Variants in VSIG10 observed in about 807,000 individuals in gnomAD.
VSIG10 encodes V-set and immunoglobulin domain-containing protein 10.
Under a neutral mutation model 58.7 loss-of-function variants are expected in VSIG10, and 48 were observed. The observed-to-expected ratio is 0.82, with a 90% confidence interval of 0.65 to 1.04. The LOEUF is 1.04. VSIG10 is among the 50% of genes least tolerant of loss of function. The pLI is 0.00. For synonymous variants in VSIG10, 260 were observed against 267.1 expected, an observed-to-expected ratio of 0.97 and a Z score of 0.26; for missense variants, 628 against 670.0, an observed-to-expected ratio of 0.94 and a Z score of 0.69.
intron 1 of VSIG10, among the ~76,000 whole-genome samples, chr12:118,100,296 G>A (rs2033589685): frequency 6.6e-6 from 1 of 152,010 alleles, no homozygotes; most frequent in African/African-American, 2.4e-5. Flanking sequence ...AAGAGCTCGG[G>A]ACCAGCCTGG....
chr12:118,072,578 C>G (rs1280941497), intron 5 of VSIG10, among the ~76,000 whole-genome samples: 1 of 151,774 alleles, frequency 6.6e-6, no homozygotes, highest in Non-Finnish European at 1.5e-5. Flanking sequence ...AAGAAAGAGG[C>G]CAGGTGTGGT....
At position 118,073,806 on chromosome 12, in the gene VSIG10, G is replaced by A. The variant is rs1159222330; in HGVS notation, c.1112C>T (p.Thr371Ile). The A allele has an allele frequency of 1.2e-6, 2 of 1,613,894 alleles. No individual in the cohort carries two copies. Among genetic ancestry groups the A allele is most frequent in the East Asian group, 2.2e-5 (1 of 44,890 alleles). Residue 371 changes from threonine to isoleucine, a missense_variant, in exon 5 of 9, where the codon ACC becomes ATC. Coordinates refer to ENST00000359236, the MANE Select transcript of VSIG10 (RefSeq NM_019086.6). The part of the protein sequence containing the change: ...HLITQDGQNS[T>I]LTIHNCSQDL... ...CTGGGAGCAGTTGTGGATAGTGAGG[G>A]TGGAGTTCTGGCCATCCTGGGTAAT...
chr12:118,096,160 C>T (rs899976045), intron 1 of VSIG10, among the ~76,000 whole-genome samples: 2 of 152,016 alleles, frequency 1.3e-5, no homozygotes, highest in Non-Finnish European at 2.9e-5. Context: ...AACTCCTGAC[C>T]TCAGGAAAAG....
chr12:118,071,429 G>C lies in VSIG10; in HGVS notation c.1260C>G (p.Ser420Arg). ...NIGGIVGTIVSLLLLGLAIIS... is the reference protein window; with the variant it reads ...NIGGIVGTIVRLLLLGLAIIS... ...TAATGGCCAGTCCCAGCAGAAGGAG[G>C]CTCACAATGGTTCCCACAATCCCCC... Residue 420 changes from serine to arginine, a missense_variant, in exon 6 of 9, where the codon AGC becomes AGG. By Grantham distance (110) the Ser-to-Arg change is moderately radical. Transcript: ENST00000359236. 1 of 1,613,878 alleles carries C rather than the reference G, an allele frequency of 6.2e-7. No homozygotes were observed. The highest frequency in any genetic ancestry group is 8.5e-7 in the Non-Finnish European group (1 of 1,179,868).
At chr12:118,101,528 T>A (rs1192036571) in intron 1 of VSIG10, 1 of 152,156 alleles carries the variant, frequency 6.6e-6, no homozygotes, top group Non-Finnish European at 1.5e-5. Flanking sequence ...CAACCTTAAA[T>A]GTACAATAGA....
chr12:118,077,037 A>G (rs577181998), intron 4 of VSIG10, among the ~76,000 whole-genome samples: 9 of 152,334 alleles, frequency 5.9e-5, no homozygotes, highest in African/African-American at 1.4e-4. Context: ...TCTTAACTTG[A>G]TTCCATCTGC....
At position 118,103,816 on chromosome 12, in the gene VSIG10, GA is replaced by G; in HGVS notation, c.-146del. 1 of 775,782 alleles carries G rather than the reference GA, an allele frequency of 1.3e-6. No homozygotes were observed. Among genetic ancestry groups the G allele is most frequent in the Non-Finnish European group, 1.9e-6 (1 of 535,630 alleles). 48.1% of individuals were successfully genotyped at this position (775,782 alleles called of 1,614,324 possible). A position where few individuals can be genotyped will look rare whatever the true frequency, so the allele number is the denominator to read the frequency against. On this transcript the variant is annotated 5_prime_UTR_variant, in exon 1 of 9. Coordinates refer to ENST00000359236, the MANE Select transcript of VSIG10 (RefSeq NM_019086.6). Reference sequence around the variant, plus strand: ...CCCCACTTCCTCGGCCCCCAGGAAGGATGCTTGGCTGAGCCGAGTGTCCAGG... The same window carrying G: ...CCCCACTTCCTCGGCCCCCAGGAAGGTGCTTGGCTGAGCCGAGTGTCCAGG...
chr12:118,082,370 G>T lies in VSIG10; in HGVS notation c.421C>A (p.Leu141Ile), dbSNP rs373315278. 1.9e-6 allele frequency: 3 copies of T among 1,613,950 alleles called. No homozygotes were observed. The highest frequency in any genetic ancestry group is 2.5e-6 in the Non-Finnish European group (3 of 1,179,888). ...VATGTLPNGTLYAARGSQVDF... is the reference protein window; with the variant it reads ...VATGTLPNGTIYAARGSQVDF... ...ACCTGGGAGCCCCTGGCTGCGTAGA[G>T]GGTGCCGTTGGGGAGTGTGCCGGTG... The change falls in exon 3 of 9, where the codon CTC (leucine) becomes ATC (isoleucine). Residue 141 changes from leucine to isoleucine, a missense_variant. Coordinates refer to ENST00000359236, the MANE Select transcript of VSIG10 (RefSeq NM_019086.6).
chr12:118,095,711 C>T lies in VSIG10; in HGVS notation c.183G>A (p.Ser61=), dbSNP rs117781232. Residue 61 remains serine, a synonymous_variant, in exon 2 of 9, where the codon TCG becomes TCA. Transcript: ENST00000359236. The part of the protein sequence containing the change: ...RGQVTWYRNN[S]EPVFLLSSNS... Reference sequence around the variant, plus strand: ...TGGACGAGAGAAGGAAGACAGGCTCCGAGTTGTTCCGGTACCAGGTCACCT... The same window carrying T: ...TGGACGAGAGAAGGAAGACAGGCTCTGAGTTGTTCCGGTACCAGGTCACCT... 3.7e-5 allele frequency: 59 copies of T among 1,613,898 alleles called. No homozygotes were observed. In the African/African-American group the frequency reaches 4.0e-4, roughly 11 times the overall value.
At chr12:118,079,815 C>T (rs1047038010) in intron 3 of VSIG10, among the ~76,000 whole-genome samples, 1 of 107,068 alleles carries the variant, frequency 9.3e-6, no homozygotes, top group African/African-American at 5.1e-5. Flanking sequence ...TCTCATTCAC[C>T]TTTGCATTTC....
rs960012481 is a variant in VSIG10, at chr12:118,103,659, C to T, written c.13G>A (p.Gly5Ser). ...AGGACGCGGGGCTCGGGCGCACTGC[C>T]GCCTGCGGCCATCTCGCCCCAGATC... Reference protein sequence around the residue: MAAGGSAPEPRVLVC... With the variant: MAAGSSAPEPRVLVC... The change falls in exon 1 of 9, where the codon GGC becomes AGC. Residue 5 changes from glycine (G) to serine (S), a missense_variant. Gly to Ser is a moderately conservative substitution (Grantham distance 56). Coordinates refer to ENST00000359236, the MANE Select transcript of VSIG10 (RefSeq NM_019086.6). 6.0e-6 allele frequency: 9 copies of T among 1,497,312 alleles called. No individual in the cohort carries two copies. The Admixed American group carries it at 1.5e-4, about 25-fold the overall frequency. The allele number at this position is 1,497,312 out of a possible 1,614,324, so 92.8% of individuals were successfully genotyped here.
At position 118,071,307 on chromosome 12, in the gene VSIG10, G is replaced by A. The variant is rs575356555; in HGVS notation, c.1330+52C>T. 365 of 1,544,990 alleles carry A rather than the reference G, an allele frequency of 2.4e-4. 1 individual carries two copies. The African/African-American group carries it at 4.2e-3, about 18-fold the overall frequency. On this transcript the variant is annotated intron_variant, in intron 6 of 8. Coordinates refer to ENST00000359236, the MANE Select transcript of VSIG10 (RefSeq NM_019086.6). ...GGCAGGGGCCATCCTTCCCCATCCCGCACCTTTTCAAAAGTCTGGAAGAGA... is the reference window on the plus strand; with the variant it reads ...GGCAGGGGCCATCCTTCCCCATCCCACACCTTTTCAAAAGTCTGGAAGAGA...
At chr12:118,080,395 G>A (rs892738443) in intron 3 of VSIG10, among the ~76,000 whole-genome samples, 1 of 151,990 alleles carries the variant, frequency 6.6e-6, no homozygotes, top group African/African-American at 2.4e-5. Context: ...GCTGGCCTCA[G>A]ATGATCCACC....
In VSIG10 at chr12:118,066,355, A is replaced by G; in HGVS notation, c.*284T>C. ...TCTATCACAGTAGATCAACCTGGATAAAGCCAGGATTCACAGCAGAAGTGG... is the reference window on the plus strand; with the variant it reads ...TCTATCACAGTAGATCAACCTGGATGAAGCCAGGATTCACAGCAGAAGTGG... On this transcript the variant is annotated 3_prime_UTR_variant, in exon 9 of 9. Transcript: ENST00000359236. 2.1e-6 allele frequency: 1 copy of G among 484,818 alleles called. No individual in the cohort carries two copies. Among genetic ancestry groups the G allele is most frequent in the East Asian group, 4.0e-5 (1 of 24,934 alleles). The allele number at this position is 484,818 out of a possible 1,614,324, so 30.0% of individuals were successfully genotyped here.
chr12:118,073,776 A>T lies in VSIG10; in HGVS notation c.1142T>A (p.Leu381Gln), dbSNP rs1306036861. 6.2e-7 allele frequency: 1 copy of T among 1,613,944 alleles called. No individual in the cohort carries two copies. The highest frequency in any genetic ancestry group is 8.5e-7 in the Non-Finnish European group (1 of 1,179,888). ...TLTIHNCSQD[L>Q]DEGYYICRAD... is the part of the protein sequence containing the mutation. ...TCGGCAGATGTAGTAGCCCTCATCC[A>T]GGTCCTGGGAGCAGTTGTGGATAGT... Residue 381 changes from leucine to glutamine, a missense_variant, in exon 5 of 9, where the codon CTG becomes CAG. Leu to Gln is a moderately radical substitution (Grantham distance 113). Transcript: ENST00000359236.
rs763006757 is a variant in VSIG10 at position 118,065,295 on chromosome 12, T to A, written c.*1344A>T. 3.3e-5 allele frequency: 5 copies of A among 152,230 alleles called. No individual in the cohort carries two copies. Among genetic ancestry groups the A allele is most frequent in the Non-Finnish European group, 5.9e-5 (4 of 68,048 alleles). The allele number at this position is 152,230 out of a possible 1,614,324, so 9.4% of individuals were successfully genotyped here. On this transcript the variant is annotated 3_prime_UTR_variant, in exon 9 of 9. Transcript: ENST00000359236. ...TATTAAACGTGTCTCCTGCCTTCTT[T>A]GAAAGCAACAGGAGAAATGAAGCAT...
intron 4 of VSIG10, among the ~76,000 whole-genome samples, chr12:118,074,857 A>T (rs1050225926): frequency 6.6e-6 from 1 of 152,108 alleles, no homozygotes; most frequent in South Asian, 2.1e-4. Context: ...TAAACTGCAC[A>T]TTGTTCTGAG....
intron 5 of VSIG10, 58 bp downstream of exon 5, chr12:118,073,641 T>C (rs1400307323): frequency 5.2e-6 from 8 of 1,534,854 alleles, no homozygotes; most frequent in Non-Finnish European, 7.0e-6. Flanking sequence ...CTCATGCTGA[T>C]GCTGGGTGCT....
chr12:118,085,293 C>A (rs1203130594), intron 2 of VSIG10, among the ~76,000 whole-genome samples: 1 of 152,180 alleles, frequency 6.6e-6, no homozygotes, highest in African/African-American at 2.4e-5. Context: ...GGACTGAAGG[C>A]CACATCACTG....
Sources: gnomAD v4.1 joint callset for allele counts (sites outside exome capture counted in the v4.1 genomes callset) on GRCh38, gnomAD v4.1.1 for gene constraint, MANE v1.5 for transcripts, NCBI Gene and HGNC (gene_info 2026-07-23, HGNC 2026-07-21) for gene names.